QRICH1: variants seen among roughly 807,000 people sequenced by gnomAD.
QRICH1 encodes the protein transcriptional regulator QRICH1.
In QRICH1, 16 loss-of-function variants were observed where a neutral mutation model predicts 87.1. That is an observed-to-expected ratio of 0.18 (90% CI 0.12 to 0.28). The LOEUF (loss-of-function observed/expected upper bound fraction) is 0.28. Among genes scored for constraint, QRICH1 ranks in the 10% least tolerant of loss-of-function variants. QRICH1 has a pLI of 1.00. For synonymous variants in QRICH1, 367 were observed against 368.4 expected (o/e 1.00, Z 0.05); for missense variants, 647 against 951.7 (o/e 0.68, Z 4.21).
chr3:49,049,186 G>A (rs1395583271), intron 3 of QRICH1, among the ~76,000 whole-genome samples: 1 of 151,794 alleles, frequency 6.6e-6, no homozygotes, highest in Non-Finnish European at 1.5e-5. Flanking sequence ...TTACAGGCAT[G>A]AGCCACTGTG....
intron 4 of QRICH1, 71 bp downstream of exon 4, chr3:49,046,998 C>T: frequency 1.3e-6 from 2 of 1,519,322 alleles, no homozygotes; most frequent in East Asian, 2.3e-5. Flanking sequence ...ACTTTTCTGG[C>T]ATTTTGTCCT....
Position 49,057,758 on chromosome 3 carries a change from C to A in QRICH1, c.442G>T (p.Ala148Ser), listed in dbSNP as rs1410059077. 3 of 1,614,152 alleles carry A rather than the reference C, an allele frequency of 1.9e-6. No individual in the cohort carries two copies. Among genetic ancestry groups the A allele is most frequent in the Non-Finnish European group, 2.5e-6 (3 of 1,180,028 alleles). ...QIQGQAPQSAAPSIQTPSLQS... is the reference protein window; with the variant it reads ...QIQGQAPQSASPSIQTPSLQS... ...AGAGACGGGGTCTGAATGGAGGGGGCTGCTGACTGTGGTGCCTGGCCTTGG... is the reference window on the plus strand; with the variant it reads ...AGAGACGGGGTCTGAATGGAGGGGGATGCTGACTGTGGTGCCTGGCCTTGG... Residue 148 changes from alanine to serine, a missense_variant, in exon 3 of 10, where the codon GCC becomes TCC. Ala to Ser is a moderately conservative substitution (Grantham distance 99, BLOSUM62 1). Transcript: ENST00000395443. This position sits in a 1 kb window ranked among gnomAD's most constrained non-coding sequence, Gnocchi z 5.4.
intron 2 of QRICH1, among the ~76,000 whole-genome samples, chr3:49,073,985 G>A (rs988800914): frequency 1.3e-5 from 2 of 151,886 alleles, no homozygotes; most frequent in African/African-American, 4.8e-5. Context: ...GTTTTGCCAT[G>A]TTGCCCAGGC....
intron 2 of QRICH1, among the ~76,000 whole-genome samples, chr3:49,059,796 T>C (rs1319332795): frequency 6.7e-6 from 1 of 149,580 alleles, no homozygotes; most frequent in Non-Finnish European, 1.5e-5. Flanking sequence ...CGGCTCACCG[T>C]AACCTCTGCA....
At chr3:49,038,368 G>C (rs1270343971) in intron 6 of QRICH1, among the ~76,000 whole-genome samples, 3 of 151,472 alleles carry the variant, frequency 2.0e-5, no homozygotes, top group Non-Finnish European at 2.9e-5. Context: ...GCCTAATAAA[G>C]GGTAGATTTT....
Position 49,030,151 on chromosome 3 carries a change from T to C in QRICH1, c.*301A>G. The C allele has an allele frequency of 2.3e-6, 1 of 440,650 alleles. No individual in the cohort carries two copies. The highest frequency in any genetic ancestry group is 4.0e-6 in the Non-Finnish European group (1 of 249,830). The allele number at this position is 440,650 out of a possible 1,614,324, so 27.3% of individuals were successfully genotyped here. ...TGAAGATGGAAAGGGGCCACATTTC[T>C]TTTCACAGTCCAAGCCCTTTCCCCA... is the stretch of plus-strand genomic sequence containing the variant. On this transcript the variant is annotated 3_prime_UTR_variant, in exon 10 of 10. Transcript: ENST00000395443.
intron 2 of QRICH1, among the ~76,000 whole-genome samples, chr3:49,070,500 C>T (rs188305101): frequency 6.6e-6 from 1 of 151,484 alleles, no homozygotes; most frequent in Non-Finnish European, 1.5e-5. Context: ...AGTGCAGTGG[C>T]GTGATCACAG....
chr3:49,064,499 T>C (rs903493855), intron 2 of QRICH1, among the ~76,000 whole-genome samples: 3 of 151,804 alleles, frequency 2.0e-5, no homozygotes, highest in African/African-American at 7.3e-5. Context: ...GCAATCCACC[T>C]ACCGCATCCT....
intron 2 of QRICH1, among the ~76,000 whole-genome samples, chr3:49,059,670 C>CTT (rs2093423795): frequency 6.6e-6 from 1 of 151,464 alleles, no homozygotes; most frequent in African/African-American, 2.4e-5. Context: ...GATCCGCTCA[C>CTT]CTTGGCCTCC....
At chr3:49,073,369 T>C (rs1305564694) in intron 2 of QRICH1, among the ~76,000 whole-genome samples, 16 of 151,864 alleles carry the variant, frequency 1.1e-4, no homozygotes, top group Non-Finnish European at 1.9e-4. Flanking sequence ...GGTGAAACCC[T>C]GTCTCTACTA....
chr3:49,088,618 GTTT>G (rs1206382284), intron 1 of QRICH1, among the ~76,000 whole-genome samples: 50 of 93,162 alleles, frequency 5.4e-4, no homozygotes, highest in African/African-American at 1.8e-3. Context: ...GCTTTTGTCT[GTTT>G]TTTTTTTTTT....
At chr3:49,092,247 A>G (rs2042290681) in intron 1 of QRICH1, 1 of 152,134 alleles carries the variant, frequency 6.6e-6, no homozygotes, top group African/African-American at 2.4e-5. Flanking sequence ...GGCTGAATTC[A>G]AAGATGCCGT....
In QRICH1 at chr3:49,080,876, A is replaced by G. The variant is rs558196968; in HGVS notation, c.-21-3838T>C. Among the ~76,000 whole-genome samples the G allele has an allele frequency of 1.3e-3, 197 of 151,478 alleles. 4 individuals carry two copies. The South Asian group carries it at 0.04, about 30-fold the overall frequency. On this transcript the variant is annotated intron_variant, in intron 1 of 9. Transcript: ENST00000395443. Reference sequence around the variant, plus strand: ...TAATAGTATAAAAAGATATAAAATAAAAAGTAAAAACAGCTAAGTATGCTT... The same window carrying G: ...TAATAGTATAAAAAGATATAAAATAGAAAGTAAAAACAGCTAAGTATGCTT...
rs758439670 is a variant in QRICH1 at position 49,032,746 on chromosome 3, C to T, written c.1923G>A (p.Gln641=). 31 of 1,608,012 alleles carry T rather than the reference C, an allele frequency of 1.9e-5. No individual in the cohort carries two copies. The highest frequency in any genetic ancestry group is 2.6e-5 in the Non-Finnish European group (31 of 1,178,280). ...CCTTGGAGAAGGCCAGCTTCATGTGCTGGTCCACTGTCTTCAATAGGAAGT... is the reference window on the plus strand; with the variant it reads ...CCTTGGAGAAGGCCAGCTTCATGTGTTGGTCCACTGTCTTCAATAGGAAGT... ...TKYFLLKTVD[Q]HMKLAFSKVL... The change falls in exon 8 of 10, where the codon CAG becomes CAA. Residue 641 remains glutamine, a synonymous_variant. Coordinates refer to ENST00000395443, the MANE Select transcript of QRICH1 (RefSeq NM_198880.3).
chr3:49,092,230 G>C (rs545703244), intron 1 of QRICH1: 1 of 152,062 alleles, frequency 6.6e-6, no homozygotes, highest in Non-Finnish European at 1.5e-5. Context: ...AGCAAGTAGC[G>C]AACTGTGGCT....
intron 2 of QRICH1, chr3:49,058,157 A>AT (rs1289930541): frequency 0.019 from 6,780 of 364,054 alleles, 2 homozygotes; most frequent in South Asian, 0.028. Context: ...AAAAAAAAAA[A>AT]TTTTTTTTTT....
In QRICH1 at chr3:49,076,773, G is replaced by C; in HGVS notation, c.245C>G (p.Thr82Ser). 1 of 1,610,836 alleles carries C rather than the reference G, an allele frequency of 6.2e-7. No homozygotes were observed. Among genetic ancestry groups the C allele is most frequent in the Non-Finnish European group, 8.5e-7 (1 of 1,177,940 alleles). Residue 82 changes from threonine (T) to serine (S), a missense_variant, in exon 2 of 10, where the codon ACC becomes AGC. By Grantham distance (58) the Thr-to-Ser change is moderately conservative. Coordinates refer to ENST00000395443, the MANE Select transcript of QRICH1 (RefSeq NM_198880.3). ...SLLELACPVT[T>S]SVQPQTQQEQ... ...TTGCTGGGTTTGTGGCTGAACACTGGTGGTGACTGGACAGGCAAGTTCAAG... is the reference window on the plus strand; with the variant it reads ...TTGCTGGGTTTGTGGCTGAACACTGCTGGTGACTGGACAGGCAAGTTCAAG...
chr3:49,051,585 C>CCCCCCCCCCCCTCCG (rs2093370771), intron 3 of QRICH1, among the ~76,000 whole-genome samples: 1 of 18,422 alleles, frequency 5.4e-5, no homozygotes, highest in Non-Finnish European at 7.5e-5. Flanking sequence ...CCCCCCTGCG[C>CCCCCCCCCCCCTCCG]CCCCCCCCCC....
intron 6 of QRICH1, among the ~76,000 whole-genome samples, chr3:49,034,213 T>G (rs986780480): frequency 1.3e-5 from 2 of 150,048 alleles, no homozygotes; most frequent in Non-Finnish European, 3.0e-5. Context: ...GAGGCGGAGG[T>G]GGGAGAATTG....
Sources: gnomAD v4.1 joint callset for allele counts (sites outside exome capture counted in the v4.1 genomes callset) on GRCh38, gnomAD v4.1.1 for gene constraint, Gnocchi (gnomAD v3.1) non-coding constraint, MANE v1.5 for transcripts, NCBI Gene and HGNC (gene_info 2026-07-23, HGNC 2026-07-21) for gene names.